Variants in GRM1 observed in about 807,000 individuals in gnomAD.
The protein encoded by GRM1 is glutamate metabotropic receptor 1.
Under a neutral mutation model 90.9 loss-of-function variants are expected in GRM1, and 33 were observed. The ratio of observed to expected loss-of-function variants is 0.36; its 90% CI spans 0.28 to 0.49. GRM1 has a LOEUF of 0.49. GRM1 is among the 20% of genes least tolerant of loss of function. The pLI, the probability that GRM1 is intolerant of heterozygous loss-of-function variation, is 0.99. For synonymous variants in GRM1, 700 were observed against 613.2 expected (o/e 1.14, Z -2.09); for missense variants, 1,190 against 1,534.3 (o/e 0.78, Z 3.75).
At chr6:146,370,730 G>A (rs1333025387) in intron 5 of GRM1, among the ~76,000 whole-genome samples, 1 of 152,014 alleles carries the variant, frequency 6.6e-6, no homozygotes, top group Non-Finnish European at 1.5e-5. Context: ...ATACTGGGAA[G>A]AGCCTAATTC....
intron 6 of GRM1, among the ~76,000 whole-genome samples, chr6:146,397,695 C>T (rs182155783): frequency 6.6e-5 from 10 of 152,140 alleles, no homozygotes; most frequent in African/African-American, 2.4e-4. Context: ...TCACATGAGA[C>T]TGTTGATTAG....
At chr6:146,382,334 AAAAAC>A (rs1776347893) in intron 5 of GRM1, among the ~76,000 whole-genome samples, 1 of 151,782 alleles carries the variant, frequency 6.6e-6, no homozygotes, top group Non-Finnish European at 1.5e-5. Flanking sequence ...AAAAAAAAAA[AAAAAC>A]AACTTGTCTG....
At chr6:146,306,895 G>T (rs926098918) in intron 3 of GRM1, among the ~76,000 whole-genome samples, 1 of 152,202 alleles carries the variant, frequency 6.6e-6, no homozygotes, top group African/African-American at 2.4e-5. Flanking sequence ...AGGAAAAAAA[G>T]ATTAGGGAAA....
rs981339292 is a variant in GRM1, at chr6:146,434,279, C to G, written c.3068C>G (p.Pro1023Arg). The G allele has an allele frequency of 5.0e-6, 8 of 1,601,824 alleles. No individual in the cohort carries two copies. Among genetic ancestry groups the G allele is most frequent in the African/African-American group, 2.7e-5 (2 of 74,650 alleles). Reference protein sequence around the residue: ...LPPPLQQQQQPPPQQKSLMDQ... With the variant: ...LPPPLQQQQQRPPQQKSLMDQ... ...CCTCCTCTCCAGCAGCAGCAGCAAC[C>G]CCCTCCACAGCAGAAATCGCTGATG... The change falls in exon 8 of 8, where the codon CCC becomes CGC. Residue 1023 changes from proline (P) to arginine (R), a missense_variant. This residue lies in a region of GRM1 where 400 missense variants were observed against 360.8 expected (regional missense o/e 1.11). Coordinates refer to ENST00000282753, the MANE Select transcript of GRM1 (RefSeq NM_001278064.2).
intron 1 of GRM1, among the ~76,000 whole-genome samples, chr6:146,126,682 T>A (rs1265816304): frequency 1.3e-5 from 2 of 152,176 alleles, no homozygotes; most frequent in Non-Finnish European, 2.9e-5. Context: ...TTCTCCTGTG[T>A]GTTTTGTTGT....
Position 146,125,644 on chromosome 6 carries a change from C to T in GRM1, c.701-33704C>T, listed in dbSNP as rs191193133. Among the ~76,000 whole-genome samples, 45 of 152,050 alleles carry T rather than the reference C, an allele frequency of 3.0e-4. 1 individual carries two copies. The highest frequency in any genetic ancestry group is 2.1e-3 in the Admixed American group (32 of 15,272). ...ATTTGAGGCTAAGGTAATCATTTTGCGTTTATCACATTTAGTAGCACTTTA... is the reference window on the plus strand; with the variant it reads ...ATTTGAGGCTAAGGTAATCATTTTGTGTTTATCACATTTAGTAGCACTTTA... On this transcript the variant is annotated intron_variant, in intron 1 of 7. Coordinates refer to ENST00000282753, the MANE Select transcript of GRM1 (RefSeq NM_001278064.2).
At chr6:146,199,539 GC>G (rs1779228445) in intron 2 of GRM1, among the ~76,000 whole-genome samples, 1 of 152,124 alleles carries the variant, frequency 6.6e-6, no homozygotes, top group East Asian at 1.9e-4. Flanking sequence ...AATTCTTTCA[GC>G]TTTTTAGTAT....
At chr6:146,160,067 C>T (rs934867447) in intron 2 of GRM1, among the ~76,000 whole-genome samples, 1 of 151,468 alleles carries the variant, frequency 6.6e-6, no homozygotes. Context: ...CACTTGCTTT[C>T]TCCACACCCA....
At chr6:146,220,583 A>T (rs968681339) in intron 2 of GRM1, among the ~76,000 whole-genome samples, 1 of 152,168 alleles carries the variant, frequency 6.6e-6, no homozygotes, top group African/African-American at 2.4e-5. Flanking sequence ...AAACTGCTGA[A>T]TATTTTTTAG....
At chr6:146,121,373 C>A (rs1230047864) in intron 1 of GRM1, among the ~76,000 whole-genome samples, 1 of 152,012 alleles carries the variant, frequency 6.6e-6, no homozygotes, top group Non-Finnish European at 1.5e-5. Flanking sequence ...TTTTGTTGAT[C>A]CTTTCAAAAA....
At chr6:146,101,805 AAC>A (rs1297884814) in intron 1 of GRM1, among the ~76,000 whole-genome samples, 1 of 149,098 alleles carries the variant, frequency 6.7e-6, no homozygotes, top group African/African-American at 2.4e-5. Context: ...TAGTAATAAT[AAC>A]ACTATAATTA....
intron 5 of GRM1, among the ~76,000 whole-genome samples, chr6:146,373,028 G>A (rs1775959785): frequency 6.6e-6 from 1 of 152,070 alleles, no homozygotes; most frequent in Non-Finnish European, 1.5e-5. Context: ...GAAAGGGATT[G>A]CATTGACTCT....
intron 2 of GRM1, among the ~76,000 whole-genome samples, chr6:146,207,227 A>G (rs1462124045): frequency 6.6e-6 from 1 of 152,192 alleles, no homozygotes; most frequent in East Asian, 1.9e-4. Flanking sequence ...TCTTTGAGGA[A>G]TTCACCATAC....
At chr6:146,379,081 A>G (rs1220656018) in intron 5 of GRM1, among the ~76,000 whole-genome samples, 1 of 152,144 alleles carries the variant, frequency 6.6e-6, no homozygotes, top group African/African-American at 2.4e-5. Context: ...ACAGACTCAT[A>G]CAATACCCTT....
chr6:146,076,213 CTG>C (rs1181266084), intron 1 of GRM1, among the ~76,000 whole-genome samples: 2 of 152,128 alleles, frequency 1.3e-5, no homozygotes, highest in Non-Finnish European at 2.9e-5. Flanking sequence ...GGCATGAAGT[CTG>C]AGAAGAACCA....
intron 1 of GRM1, among the ~76,000 whole-genome samples, chr6:146,110,684 G>C (rs373995605): frequency 3.9e-5 from 6 of 152,234 alleles, no homozygotes; most frequent in East Asian, 3.9e-4. Flanking sequence ...AACCAGTCTA[G>C]AGTTATTTTC....
intron 3 of GRM1, among the ~76,000 whole-genome samples, chr6:146,328,477 C>T (rs1448784460): frequency 6.6e-6 from 1 of 152,114 alleles, no homozygotes; most frequent in East Asian, 1.9e-4. Flanking sequence ...CCTCAGTTGC[C>T]TCATATGTAA....
At chr6:146,105,404 G>T (rs1272134890) in intron 1 of GRM1, among the ~76,000 whole-genome samples, 1 of 151,918 alleles carries the variant, frequency 6.6e-6, no homozygotes, top group African/African-American at 2.4e-5. Flanking sequence ...ATAGGAGTAA[G>T]TTATAAACAA....
rs566171853 is a variant in GRM1 at position 146,126,998 on chromosome 6, A to T, written c.701-32350A>T. 1.4e-3 allele frequency among the ~76,000 whole-genome samples: 207 copies of T among 152,318 alleles called. 1 individual carries two copies. The highest frequency in any genetic ancestry group is 2.4e-3 in the Non-Finnish European group (166 of 68,038). ...AAATTATATTACACTTGGTGAAGGT[A>T]ATAAAAAAATATTTCCACAAGTACA... On this transcript the variant is annotated intron_variant, in intron 1 of 7. Transcript: ENST00000282753.
Sources: gnomAD v4.1 joint callset for allele counts (sites outside exome capture counted in the v4.1 genomes callset) on GRCh38, gnomAD v4.1.1 for gene constraint, gnomAD v4.1.1 regional missense constraint, MANE v1.5 for transcripts, NCBI Gene and HGNC (gene_info 2026-07-23, HGNC 2026-07-21) for gene names.